PMS1: variants seen among roughly 807,000 people sequenced by gnomAD.
PMS1 encodes the protein PMS1 homolog 1, mismatch repair system component, also known as PMS1 protein homolog 1.
In PMS1, 79 loss-of-function variants were observed where a neutral mutation model predicts 93.1. That is an observed-to-expected ratio of 0.85 (90% CI 0.71 to 1.02). The LOEUF (loss-of-function observed/expected upper bound fraction) is 1.02, where lower values mean the gene tolerates loss of function less well. Ranked by LOEUF, PMS1 falls within the 50% of genes least tolerant of loss-of-function variation. PMS1 has a pLI of 0.00. For synonymous variants in PMS1, 335 were observed against 363.4 expected (o/e 0.92, Z 0.89); for missense variants, 1,064 against 1,085.3 (o/e 0.98, Z 0.28).
chr2:189,837,167 T>C (rs2053453149), intron 5 of PMS1, among the ~76,000 whole-genome samples: 1 of 151,826 alleles, frequency 6.6e-6, no homozygotes, highest in Non-Finnish European at 1.5e-5. Context: ...GTTTGGTGTT[T>C]TTTTTTTTTT....
At chr2:189,868,703 A>G (rs780877135) in intron 11 of PMS1, among the ~76,000 whole-genome samples, 5 of 152,232 alleles carry the variant, frequency 3.3e-5, no homozygotes, top group Non-Finnish European at 5.9e-5. Flanking sequence ...TTTTTAAAGG[A>G]ATGCTTTACT....
chr2:189,791,070 T>C (rs558337302), intron 1 of PMS1, among the ~76,000 whole-genome samples: 12 of 151,692 alleles, frequency 7.9e-5, no homozygotes, highest in Non-Finnish European at 1.2e-4. Context: ...AATGTTATTG[T>C]GGACTTTTTT....
Position 189,855,886 on chromosome 2 carries a change from A to G in PMS1, c.1856+758A>G, listed in dbSNP as rs771907830. 1.7e-5 allele frequency: 19 copies of G among 1,104,276 alleles called. No homozygotes were observed. In the African/African-American group the frequency reaches 2.0e-4, roughly 11 times the overall value. 68.4% of individuals were successfully genotyped at this position (1,104,276 alleles called of 1,614,324 possible). On this transcript the variant is annotated intron_variant, in intron 9 of 12. Coordinates refer to ENST00000441310, the MANE Select transcript of PMS1 (RefSeq NM_000534.5). ...TGGTGATCTAATCCAGCAGAAAATG[A>G]GAGTGAAATTATACCTCCAATCATA... is the stretch of plus-strand genomic sequence containing the variant.
rs550407834 is a variant in PMS1 at position 189,805,832 on chromosome 2, G to A, written c.418+78G>A. ...TTGGTTTAAAAAAAAAAAGTTACTCGGTGAATACAAATATATTGCTTTGGG... is the reference window on the plus strand; with the variant it reads ...TTGGTTTAAAAAAAAAAAGTTACTCAGTGAATACAAATATATTGCTTTGGG... On this transcript the variant is annotated intron_variant, in intron 4 of 12. Coordinates refer to ENST00000441310, the MANE Select transcript of PMS1 (RefSeq NM_000534.5). 2.7e-4 allele frequency: 425 copies of A among 1,582,372 alleles called. 2 individuals are homozygous for A. In the Middle Eastern group the frequency reaches 2.9e-3, roughly 11 times the overall value.
rs2106458432 is a variant in PMS1 at position 189,854,021 on chromosome 2, C to G, written c.905C>G (p.Pro302Arg). 6.2e-7 allele frequency: 1 copy of G among 1,606,806 alleles called. No homozygotes were observed. Among genetic ancestry groups the G allele is most frequent in the Non-Finnish European group, 8.5e-7 (1 of 1,176,044 alleles). ...YPVFFLKIDVPTADVDVNLTP... is the reference protein window; with the variant it reads ...YPVFFLKIDVRTADVDVNLTP... ...GTTTTCTTTCTGAAAATCGATGTTC[C>G]TACAGCTGATGTTGATGTAAATTTA... is the stretch of plus-strand genomic sequence containing the variant. The change falls in exon 8 of 13, where the codon CCT becomes CGT. Residue 302 changes from proline to arginine, a missense_variant. Coordinates refer to ENST00000441310, the MANE Select transcript of PMS1 (RefSeq NM_000534.5).
intron 4 of PMS1, among the ~76,000 whole-genome samples, chr2:189,813,245 T>C (rs977337018): frequency 1.3e-5 from 2 of 152,172 alleles, no homozygotes; most frequent in African/African-American, 4.8e-5. Flanking sequence ...GATGTTGGTG[T>C]TATATGAGAA....
intron 4 of PMS1, among the ~76,000 whole-genome samples, chr2:189,815,223 G>A (rs1018742820): frequency 6.6e-6 from 1 of 152,152 alleles, no homozygotes; most frequent in Non-Finnish European, 1.5e-5. Flanking sequence ...TCTAGGAACA[G>A]AAGGAAGGAC....
At chr2:189,791,699 T>C in intron 1 of PMS1, 91 bp from the exon 2 acceptor site, 1 of 826,882 alleles carries the variant, frequency 1.2e-6, no homozygotes, top group East Asian at 2.5e-5. Context: ...TCAGTGAAGA[T>C]GATCTATTTT....
intron 5 of PMS1, among the ~76,000 whole-genome samples, chr2:189,821,400 T>C (rs1220808564): frequency 3.4e-5 from 5 of 146,718 alleles, no homozygotes; most frequent in Admixed American, 1.4e-4. Context: ...GAGGTTGCCG[T>C]GAGCCGAGAT....
At chr2:189,800,604 A>G (rs1188764006) in intron 3 of PMS1, among the ~76,000 whole-genome samples, 1 of 152,178 alleles carries the variant, frequency 6.6e-6, no homozygotes, top group Admixed American at 6.5e-5. Flanking sequence ...GAAAAAATAT[A>G]TTTTCAAGAC....
intron 5 of PMS1, among the ~76,000 whole-genome samples, chr2:189,833,343 A>C (rs1179131289): frequency 6.6e-6 from 1 of 152,224 alleles, no homozygotes; most frequent in East Asian, 1.9e-4. Context: ...TAATCCCAGC[A>C]CTTTGTGAGG....
chr2:189,855,380 A>AT (rs2055205859), intron 9 of PMS1, among the ~76,000 whole-genome samples: 1 of 149,996 alleles, frequency 6.7e-6, no homozygotes, highest in Non-Finnish European at 1.5e-5. Context: ...ATATTATTAA[A>AT]TTTTTTGCTA....
At chr2:189,859,072 C>T (rs1265240707) in intron 9 of PMS1, among the ~76,000 whole-genome samples, 1 of 152,054 alleles carries the variant, frequency 6.6e-6, no homozygotes, top group African/African-American at 2.4e-5. Flanking sequence ...CTAGAAATAA[C>T]CTTAATTCTC....
At chr2:189,822,466 T>TG (rs2052013315) in intron 5 of PMS1, among the ~76,000 whole-genome samples, 2 of 152,132 alleles carry the variant, frequency 1.3e-5, no homozygotes, top group Admixed American at 1.3e-4. Context: ...TTTAAGGTAT[T>TG]GGGTCAGCTG....
intron 5 of PMS1, among the ~76,000 whole-genome samples, chr2:189,819,438 T>G (rs1341365645): frequency 6.6e-6 from 1 of 152,178 alleles, no homozygotes; most frequent in African/African-American, 2.4e-5. Context: ...CTATTTTTAG[T>G]TTTTTTAGAA....
At chr2:189,813,688 T>C (rs1575112261) in intron 4 of PMS1, among the ~76,000 whole-genome samples, 1 of 152,314 alleles carries the variant, frequency 6.6e-6, no homozygotes, top group Admixed American at 6.5e-5. Flanking sequence ...TGCCAAAGGA[T>C]TGCTGTCATA....
At chr2:189,860,839 T>TGAG (rs150746757) in intron 9 of PMS1, among the ~76,000 whole-genome samples, 4,502 of 103,070 alleles carry the variant, frequency 0.044, 276 homozygotes, top group African/African-American at 0.13. Flanking sequence ...TTTTTTTTTT[T>TGAG]GAGGAGGAGG....
At chr2:189,859,356 A>G (rs2055703389) in intron 9 of PMS1, among the ~76,000 whole-genome samples, 1 of 152,180 alleles carries the variant, frequency 6.6e-6, no homozygotes, top group Non-Finnish European at 1.5e-5. Flanking sequence ...TAATTTTCAT[A>G]GGTTTACAGA....
chr2:189,823,225 T>G (rs1248771959), intron 5 of PMS1, among the ~76,000 whole-genome samples: 1 of 152,106 alleles, frequency 6.6e-6, no homozygotes, highest in African/African-American at 2.4e-5. Flanking sequence ...TTGTTTTGTT[T>G]TTTTGTTTTG....
Sources: gnomAD v4.1 joint callset for allele counts (sites outside exome capture counted in the v4.1 genomes callset) on GRCh38, gnomAD v4.1.1 for gene constraint, MANE v1.5 for transcripts, NCBI Gene and HGNC (gene_info 2026-07-23, HGNC 2026-07-21) for gene names.